Variants in C8orf76 observed in about 807,000 individuals in gnomAD.
C8orf76 encodes chromosome 8 open reading frame 76, also known as uncharacterized protein C8orf76.
Under a neutral mutation model 38.1 loss-of-function variants are expected in C8orf76, and 46 were observed. That is an observed-to-expected ratio of 1.21 (90% CI 0.95 to 1.54). C8orf76 has a LOEUF of 1.54. C8orf76 is among the 40% of genes most tolerant of loss of function. The pLI, the probability that C8orf76 is intolerant of heterozygous loss-of-function variation, is 0.00. For missense variants in C8orf76, 461 were observed against 441.6 expected (o/e 1.04, Z -0.39); for synonymous variants, 166 against 167.5 (o/e 0.99, Z 0.07).
At chr8:123,240,644 G>A (rs976830354) in intron 1 of C8orf76, among the ~76,000 whole-genome samples, 2 of 152,236 alleles carry the variant, frequency 1.3e-5, no homozygotes, top group Non-Finnish European at 2.9e-5. Context: ...CCGGGTCTCA[G>A]GACTTTGTGG....
chr8:123,222,273 C>T (rs540349683), intron 5 of C8orf76, among the ~76,000 whole-genome samples: 60 of 152,304 alleles, frequency 3.9e-4, no homozygotes, highest in South Asian at 2.9e-3. Flanking sequence ...CGTGCGCCAC[C>T]GCGCCCGGCA....
At chr8:123,227,025 T>G (rs549492708) in intron 4 of C8orf76, among the ~76,000 whole-genome samples, 1 of 152,148 alleles carries the variant, frequency 6.6e-6, no homozygotes, top group African/African-American at 2.4e-5. Context: ...CCCTCTGGAT[T>G]TGCTCCTTTG....
intron 4 of C8orf76, 129 bp downstream of exon 4, chr8:123,231,171 C>G (rs767586348): frequency 8.4e-7 from 1 of 1,190,526 alleles, no homozygotes; most frequent in East Asian, 2.6e-5. Context: ...ACGTTCAACA[C>G]AACCATAGGA....
intron 5 of C8orf76, among the ~76,000 whole-genome samples, chr8:123,224,485 G>A (rs1824974479): frequency 6.6e-6 from 1 of 152,142 alleles, no homozygotes; most frequent in Admixed American, 6.5e-5. Flanking sequence ...GGTGGTGGGT[G>A]CCTGTAATCC....
rs770840453 is a variant in C8orf76, at chr8:123,231,307, G to C, written c.808C>G (p.Arg270Gly). 6.2e-7 allele frequency: 1 copy of C among 1,608,362 alleles called. No homozygotes were observed. The highest frequency in any genetic ancestry group is 1.1e-5 in the South Asian group (1 of 90,198). ...AAGTGACTCTCAGCTTACCTGGTTCGTATAAAAGAGGCACATGCTTTCAGC... is the reference window on the plus strand; with the variant it reads ...AAGTGACTCTCAGCTTACCTGGTTCCTATAAAAGAGGCACATGCTTTCAGC... Reference protein sequence around the residue: ...TQLKACASFIRTRLLLQFTQP... With the variant: ...TQLKACASFIGTRLLLQFTQP... The change falls in exon 4 of 6, where the codon CGA (arginine) becomes GGA (glycine). Residue 270 changes from arginine (R) to glycine (G), a missense_variant. Coordinates refer to ENST00000276704, the MANE Select transcript of C8orf76 (RefSeq NM_032847.3).
At chr8:123,231,148 A>G (rs1183896531) in intron 4 of C8orf76, 152 bp downstream of exon 4, 20 of 974,190 alleles carry the variant, frequency 2.1e-5, no homozygotes, top group Non-Finnish European at 2.5e-5. Flanking sequence ...AGTATTACAC[A>G]CTAGAATGAC....
chr8:123,231,731 A>G lies in C8orf76; in HGVS notation c.384T>C (p.His128=). ...NLENKATNTD[H]LTTVLYLQLA... ...GCTGGAGGTAGAGTACCGTGGTTAA[A>G]TGGTCTGTGTTGGTTGCTTTATTTT... Residue 128 remains histidine (H), a synonymous_variant, in exon 4 of 6, where the codon CAT becomes CAC. Coordinates refer to ENST00000276704, the MANE Select transcript of C8orf76 (RefSeq NM_032847.3). 2 of 1,609,886 alleles carry G rather than the reference A, an allele frequency of 1.2e-6. No individual in the cohort carries two copies. The highest frequency in any genetic ancestry group is 1.7e-6 in the Non-Finnish European group (2 of 1,179,886).
At chr8:123,233,080 G>A (rs1423259505) in intron 3 of C8orf76, among the ~76,000 whole-genome samples, 4 of 151,914 alleles carry the variant, frequency 2.6e-5, no homozygotes, top group Non-Finnish European at 5.9e-5. Context: ...GAGTGCAATG[G>A]TGCGATCTCA....
chr8:123,240,622 T>C (rs1168025216), intron 1 of C8orf76, among the ~76,000 whole-genome samples: 4 of 152,376 alleles, frequency 2.6e-5, no homozygotes, highest in African/African-American at 9.6e-5. Context: ...GCTGGTGCGA[T>C]CATTTAGCAC....
chr8:123,238,348 C>T (rs777502106), intron 2 of C8orf76, among the ~76,000 whole-genome samples: 40 of 152,154 alleles, frequency 2.6e-4, no homozygotes, highest in Admixed American at 2.4e-3. Flanking sequence ...TCACCTTCTG[C>T]CATGATTGTG....
intron 3 of C8orf76, chr8:123,237,005 G>A: frequency 1.3e-6 from 2 of 1,538,846 alleles, no homozygotes; most frequent in Non-Finnish European, 9.0e-7. Flanking sequence ...CACTCTCTCA[G>A]ACTACAACAT....
At chr8:123,225,751 C>T (rs1325180750) in intron 5 of C8orf76, among the ~76,000 whole-genome samples, 2 of 152,008 alleles carry the variant, frequency 1.3e-5, no homozygotes, top group Non-Finnish European at 2.9e-5. Context: ...CATGGTGAAC[C>T]CTGTCTCTAC....
In C8orf76 at chr8:123,241,363, G is replaced by C. The variant is rs767772069; in HGVS notation, c.-17C>G. On this transcript the variant is annotated 5_prime_UTR_variant, in exon 1 of 6. Coordinates refer to ENST00000276704, the MANE Select transcript of C8orf76 (RefSeq NM_032847.3). ...GGAATCCATCTCGCGCCCGCGGCGG[G>C]GGCAACGAGGAAGCGGGGCCCGCCG... 2.6e-6 allele frequency: 4 copies of C among 1,543,794 alleles called. No homozygotes were observed. The highest frequency in any genetic ancestry group is 2.6e-5 in the East Asian group (1 of 37,928).
At chr8:123,231,795 C>A in intron 3 of C8orf76, 38 bp from the exon 4 acceptor site, 2 of 1,521,414 alleles carry the variant, frequency 1.3e-6, no homozygotes, top group Non-Finnish European at 1.7e-6. Context: ...GTTTAAACTT[C>A]AAAGCATTTT....
rs534697220 is a variant in C8orf76, at chr8:123,231,554, T to C, written c.561A>G (p.Ser187=). ...AGGTGAAACTGTGCTGTTTCTGAGA[T>C]GACGCAAGTGCTGCTGAAAGAGCTG... ...LGPALSAALA[S]SQKQHSFTSS... The change falls in exon 4 of 6, where the codon TCA becomes TCG. Residue 187 remains serine, a synonymous_variant. Transcript: ENST00000276704. 19 of 1,614,252 alleles carry C rather than the reference T, an allele frequency of 1.2e-5. No homozygotes were observed. The East Asian group carries it at 2.9e-4, about 25-fold the overall frequency.
intron 5 of C8orf76, among the ~76,000 whole-genome samples, chr8:123,222,110 TC>T: frequency 6.6e-6 from 1 of 152,284 alleles, no homozygotes; most frequent in South Asian, 2.1e-4. Flanking sequence ...TGCCTCAGCC[TC>T]CCAAGTAGCT....
Position 123,226,600 on chromosome 8 carries a change from GT to G in C8orf76, c.847del (p.Thr283HisfsTer9), listed in dbSNP as rs1563797578. ...LLLQFTQPQQTSFALERNLRT... is the reference protein window; with the variant it reads ...LLLQFTQPQQXSFALERNLRT... The stretch of plus-strand genomic sequence containing the variant: ...TAAGTTCCTCTCCAAAGCAAACGAT[GT>G]TTGCTGAGGTTGGGTAAACTGAAGC... On this transcript the variant is annotated frameshift_variant, in exon 5 of 6. Transcript: ENST00000276704. LOFTEE classifies it high-confidence loss of function. 6.2e-7 allele frequency: 1 copy of G among 1,604,498 alleles called. No individual in the cohort carries two copies. Among genetic ancestry groups the G allele is most frequent in the Non-Finnish European group, 8.5e-7 (1 of 1,177,916 alleles).
chr8:123,241,107 G>A, intron 1 of C8orf76, 123 bp downstream of exon 1: 1 of 972,276 alleles, frequency 1.0e-6, no homozygotes, highest in Non-Finnish European at 1.4e-6. Flanking sequence ...GGGGGACGCG[G>A]CGGGCGCTGG....
chr8:123,230,944 G>T (rs570255832), intron 4 of C8orf76, among the ~76,000 whole-genome samples: 7 of 151,974 alleles, frequency 4.6e-5, no homozygotes, highest in African/African-American at 1.7e-4. Context: ...CACCGCGCCC[G>T]GCCCGCATAG....
Sources: gnomAD v4.1 joint callset for allele counts (sites outside exome capture counted in the v4.1 genomes callset) on GRCh38, gnomAD v4.1.1 for gene constraint, MANE v1.5 for transcripts, NCBI Gene and HGNC (gene_info 2026-07-23, HGNC 2026-07-21) for gene names.